Variants in DLGAP1 observed in about 807,000 individuals in gnomAD.
DLGAP1 encodes the protein DLG associated protein 1, also known as disks large-associated protein 1.
DLGAP1 carries 11 observed loss-of-function variants against 90.8 expected under a neutral mutation model. The ratio of observed to expected loss-of-function variants is 0.12; its 90% CI spans 0.08 to 0.20. DLGAP1 has a LOEUF of 0.20. Ranked by LOEUF, DLGAP1 falls within the 10% of genes least tolerant of loss-of-function variation. The pLI, the probability that DLGAP1 is intolerant of heterozygous loss-of-function variation, is 1.00. For missense variants in DLGAP1, 1,050 were observed against 1,333.8 expected (o/e 0.79, Z 3.31); for synonymous variants, 558 against 540.7 (o/e 1.03, Z -0.44).
chr18:4,445,309 T>TA (rs1598433132), intron 1 of DLGAP1, among the ~76,000 whole-genome samples: 1 of 150,622 alleles, frequency 6.6e-6, no homozygotes, highest in South Asian at 2.1e-4. Context: ...TTTTTTTTTT[T>TA]ATTATACTTT....
chr18:3,702,993 G>A (rs919611682), intron 7 of DLGAP1, among the ~76,000 whole-genome samples: 1 of 152,158 alleles, frequency 6.6e-6, no homozygotes, highest in Non-Finnish European at 1.5e-5. Context: ...GGCAAGCAAG[G>A]GTCTCTGGAG....
chr18:3,581,971 G>A lies in DLGAP1; in HGVS notation c.1869C>T (p.Ala623=). Reference sequence around the variant, plus strand: ...CTATGGTAGTCGTGGTGGTGACGGTGGCAGTGTTATTGCCCATGTGTTGAC... The same window carrying A: ...CTATGGTAGTCGTGGTGGTGACGGTAGCAGTGTTATTGCCCATGTGTTGAC... ...PASQHMGNNT[A]TVTTTTTIAT... Residue 623 remains alanine (A), a synonymous_variant, in exon 8 of 13, where the codon GCC becomes GCT. Coordinates refer to ENST00000315677, the MANE Select transcript of DLGAP1 (RefSeq NM_004746.4). The A allele has an allele frequency of 6.2e-7, 1 of 1,614,094 alleles. No homozygotes were observed. Among genetic ancestry groups the A allele is most frequent in the Non-Finnish European group, 8.5e-7 (1 of 1,180,034 alleles).
At chr18:3,616,514 C>G (rs1568311348) in intron 7 of DLGAP1, among the ~76,000 whole-genome samples, 1 of 151,742 alleles carries the variant, frequency 6.6e-6, no homozygotes, top group African/African-American at 2.4e-5. Flanking sequence ...CTTTGGGAGG[C>G]TGAGGTGGGA....
intron 3 of DLGAP1, among the ~76,000 whole-genome samples, chr18:3,882,189 G>T (rs2071189821): frequency 6.6e-6 from 1 of 152,094 alleles, no homozygotes; most frequent in Non-Finnish European, 1.5e-5. Flanking sequence ...GCTTGACTAG[G>T]CTAATTTGAG....
intron 4 of DLGAP1, among the ~76,000 whole-genome samples, chr18:3,870,645 T>TATCTATCTATC (rs1302034274): frequency 1.4e-5 from 2 of 145,624 alleles, no homozygotes; most frequent in Non-Finnish European, 3.1e-5. Flanking sequence ...TCTATCTATC[T>TATCTATCTATC]ATCTATCAAA....
intron 7 of DLGAP1, among the ~76,000 whole-genome samples, chr18:3,721,060 A>C (rs1220776665): frequency 6.6e-6 from 1 of 151,780 alleles, no homozygotes; most frequent in Admixed American, 6.6e-5. Context: ...TGCCTCCAGA[A>C]AAAAAAAGGT....
Position 3,635,321 on chromosome 18 carries a change from A to G in DLGAP1, c.1592-53073T>C, listed in dbSNP as rs1206437413. ...GATTTTTTTGTATTGTATTTTTAGTAGAGACGGGGTTTCACCTTGTTAGCC... is the reference window on the plus strand; with the variant it reads ...GATTTTTTTGTATTGTATTTTTAGTGGAGACGGGGTTTCACCTTGTTAGCC... On this transcript the variant is annotated intron_variant, in intron 7 of 12. Transcript: ENST00000315677. Among the ~76,000 whole-genome samples the G allele has an allele frequency of 4.0e-5, 6 of 149,722 alleles. No individual in the cohort carries two copies. In the East Asian group the frequency reaches 9.7e-4, roughly 24 times the overall value.
At chr18:3,694,939 G>GTTTTTTTTT (rs1219198458) in intron 7 of DLGAP1, among the ~76,000 whole-genome samples, 9 of 125,298 alleles carry the variant, frequency 7.2e-5, no homozygotes, top group Non-Finnish European at 1.2e-4. Flanking sequence ...TGTTTTTTTT[G>GTTTTTTTTT]TTTTTTTTTT....
intron 1 of DLGAP1, among the ~76,000 whole-genome samples, chr18:4,396,519 G>A (rs892532996): frequency 6.6e-6 from 1 of 152,188 alleles, no homozygotes; most frequent in Admixed American, 6.5e-5. Flanking sequence ...CCTTTCCCAG[G>A]AATCAAAGTA....
chr18:3,886,537 ATT>A (rs33919576), intron 3 of DLGAP1, among the ~76,000 whole-genome samples: 59,871 of 151,144 alleles, frequency 0.4, 12,080 homozygotes, highest in South Asian at 0.5. Context: ...ACTTGCATCT[ATT>A]TTTTTTGTAC....
intron 1 of DLGAP1, among the ~76,000 whole-genome samples, chr18:4,163,503 A>G (rs889671679): frequency 3.9e-5 from 6 of 152,234 alleles, no homozygotes; most frequent in African/African-American, 1.4e-4. Flanking sequence ...AATGCAGTTT[A>G]TTGTAACTTA....
chr18:3,570,928 C>CA lies in DLGAP1; in HGVS notation c.1966-3348dup, dbSNP rs71366686. ...TGAGTGACAGAGCAAGACAGTGTCT[C>CA]AAAAAAAAAAAAAAAGGTAATTTAA... On this transcript the variant is annotated intron_variant, in intron 8 of 12. Coordinates refer to ENST00000315677, the MANE Select transcript of DLGAP1 (RefSeq NM_004746.4). Among the ~76,000 whole-genome samples, 902 of 112,930 alleles carry CA rather than the reference C, an allele frequency of 8.0e-3. 15 individuals carry two copies. The highest frequency in any genetic ancestry group is 0.016 in the African/African-American group (490 of 30,208). The allele number at this position is 112,930 out of a possible 152,430, so 74.1% of individuals were successfully genotyped here.
Position 3,499,267 on chromosome 18 carries a change from G to T in DLGAP1, c.2852C>A (p.Ala951Asp). ...GGCCGAGTTCTGGCGGACGGACGCG[G>T]CGCGCTTGGCGGCCATCAGGCGCTT... ...ARKRLMAAKR[A>D]ASVRQNSATE... is the part of the protein sequence containing the mutation. Residue 951 changes from alanine (A) to aspartate (D), a missense_variant, in exon 13 of 13, where the codon GCC becomes GAC. By Grantham distance (126) the Ala-to-Asp change is moderately radical. This residue lies in a region of DLGAP1 where 565 missense variants were observed against 879.7 expected (regional missense o/e 0.64). Transcript: ENST00000315677. This position sits in a 1 kb window ranked among gnomAD's most constrained non-coding sequence, Gnocchi z 6.4. 6.2e-7 allele frequency: 1 copy of T among 1,600,610 alleles called. No individual in the cohort carries two copies. Among genetic ancestry groups the T allele is most frequent in the Non-Finnish European group, 8.5e-7 (1 of 1,174,554 alleles).
At chr18:4,201,734 C>G (rs1172462380) in intron 1 of DLGAP1, among the ~76,000 whole-genome samples, 1 of 152,076 alleles carries the variant, frequency 6.6e-6, no homozygotes, top group Non-Finnish European at 1.5e-5. Flanking sequence ...TGCTCAACAT[C>G]ACTAACCATC....
chr18:3,517,070 C>G lies in DLGAP1; in HGVS notation c.2480-8409G>C, dbSNP rs960353386. On this transcript the variant is annotated intron_variant, in intron 10 of 12. Transcript: ENST00000315677. The surrounding 1 kb of genome is among the most constrained non-coding windows in gnomAD (Gnocchi z 4.1). ...AGTAGGCTTAAAGTGTACAGTAAAC[C>G]ATGCTGTGAATAGAGATACTCTCAT... 2.0e-5 allele frequency among the ~76,000 whole-genome samples: 3 copies of G among 152,156 alleles called. No individual in the cohort carries two copies. Among genetic ancestry groups the G allele is most frequent in the African/African-American group, 7.2e-5 (3 of 41,430 alleles).
intron 4 of DLGAP1, among the ~76,000 whole-genome samples, chr18:3,875,968 T>C (rs2070991456): frequency 1.3e-5 from 2 of 151,688 alleles, no homozygotes; most frequent in African/African-American, 4.9e-5. Context: ...AATATTGAAG[T>C]TAAATCCATT....
At position 3,815,195 on chromosome 18, in the gene DLGAP1, C is replaced by T. The variant is rs1455450867; in HGVS notation, c.958-922G>A. ...TGATCTATGCCTTCCTTGAACCTTT[C>T]GACTTTACCATCTCATATCCAGTCT... On this transcript the variant is annotated intron_variant, in intron 4 of 12. Transcript: ENST00000315677. Among the ~76,000 whole-genome samples, 4 of 152,278 alleles carry T rather than the reference C, an allele frequency of 2.6e-5. No individual in the cohort carries two copies. The South Asian group carries it at 8.3e-4, about 32-fold the overall frequency.
At chr18:3,740,559 A>C (rs935959900) in intron 6 of DLGAP1, among the ~76,000 whole-genome samples, 2 of 152,026 alleles carry the variant, frequency 1.3e-5, no homozygotes, top group African/African-American at 2.4e-5. Context: ...CAGGGAGCTT[A>C]ATTTTGTTGA....
chr18:3,938,494 G>GTGC (rs1441602896), intron 3 of DLGAP1, among the ~76,000 whole-genome samples: 23 of 152,178 alleles, frequency 1.5e-4, no homozygotes, highest in Admixed American at 9.2e-4. Context: ...GGAAGTGCAG[G>GTGC]TGCAAGGTCG....
Sources: gnomAD v4.1 joint callset for allele counts (sites outside exome capture counted in the v4.1 genomes callset) on GRCh38, gnomAD v4.1.1 for gene constraint, gnomAD v4.1.1 regional missense constraint, Gnocchi (gnomAD v3.1) non-coding constraint, MANE v1.5 for transcripts, NCBI Gene and HGNC (gene_info 2026-07-23, HGNC 2026-07-21) for gene names.